Variants in WDR11 observed in about 807,000 individuals in gnomAD.
WDR11 encodes WD repeat domain 11, also known as WD repeat-containing protein 11.
Under a neutral mutation model 151.2 loss-of-function variants are expected in WDR11, and 83 were observed. That is an observed-to-expected ratio of 0.55 (90% CI 0.46 to 0.66). WDR11 has a LOEUF of 0.66. WDR11 is among the 30% of genes least tolerant of loss of function. WDR11 has a pLI of 0.00. For missense variants in WDR11, 1,301 were observed against 1,480.9 expected (o/e 0.88, Z 1.99); for synonymous variants, 484 against 533.1 (o/e 0.91, Z 1.27).
chr10:120,890,607 A>C, intron 18 of WDR11, 109 bp from the exon 19 acceptor site: 1 of 1,342,776 alleles, frequency 7.4e-7, no homozygotes, highest in African/African-American at 1.4e-5. Flanking sequence ...GTTCAGTTCT[A>C]AACTTGAACT....
intron 25 of WDR11, among the ~76,000 whole-genome samples, 161 bp downstream of exon 25, chr10:120,904,972 C>A (rs903085200): frequency 1.3e-5 from 2 of 152,090 alleles, no homozygotes; most frequent in Non-Finnish European, 2.9e-5. Flanking sequence ...ATTGTCTAAA[C>A]CAGAATTAAT....
At chr10:120,905,493 C>G (rs1003974406) in intron 26 of WDR11, 77 bp downstream of exon 26, 2 of 1,503,772 alleles carry the variant, frequency 1.3e-6, no homozygotes, top group Middle Eastern at 3.4e-4. Flanking sequence ...GGACTTATGA[C>G]TTAGAAACAT....
rs545178026 is a variant in WDR11, at chr10:120,906,633, T to C, written c.3438-143T>C. On this transcript the variant is annotated intron_variant, in intron 27 of 28. Transcript: ENST00000263461. The stretch of plus-strand genomic sequence containing the variant: ...TTCTTCCCTCCTTTTTTCAACAAAC[T>C]AGGGCTTAGAAAAGTGCTTGTATCT... The C allele has an allele frequency of 1.3e-4, 202 of 1,538,540 alleles. 5 individuals carry two copies. In the South Asian group the frequency reaches 2.1e-3, roughly 16 times the overall value.
At chr10:120,884,787 CA>C (rs1446074326) in intron 14 of WDR11, among the ~76,000 whole-genome samples, 2 of 152,026 alleles carry the variant, frequency 1.3e-5, no homozygotes, top group Non-Finnish European at 2.9e-5. Flanking sequence ...AGAAAATGAA[CA>C]AAGTCTGTGA....
Position 120,883,031 on chromosome 10 carries a change from T to C in WDR11, c.1740-749T>C, listed in dbSNP as rs1469933752. Among the ~76,000 whole-genome samples the C allele has an allele frequency of 9.2e-5, 14 of 152,144 alleles. 1 individual carries two copies. Among genetic ancestry groups the C allele is most frequent in the Admixed American group, 9.2e-4 (14 of 15,274 alleles). On this transcript the variant is annotated intron_variant, in intron 13 of 28. Coordinates refer to ENST00000263461, the MANE Select transcript of WDR11 (RefSeq NM_018117.12). ...GTTTTCATTTTAATTCACATTATAA[T>C]CTTTAAAAATTTCCATGGGGTGTTA...
At chr10:120,851,926 A>T (rs1465374613) in intron 1 of WDR11, 1 of 273,038 alleles carries the variant, frequency 3.7e-6, no homozygotes, top group Non-Finnish European at 7.1e-6. Context: ...ACCCTGTGCT[A>T]GGCGCCTGTT....
chr10:120,882,538 A>AGTTTT (rs138558341), intron 13 of WDR11, among the ~76,000 whole-genome samples: 7,244 of 119,818 alleles, frequency 0.06, 606 homozygotes, highest in African/African-American at 0.2. Flanking sequence ...ATACAAATTC[A>AGTTTT]GTTTTGTTTT....
rs1196138089 is a variant in WDR11 at position 120,880,859 on chromosome 10, A to G, written c.1697A>G (p.Asn566Ser). ...ATTGCTTTTCGTGGTGAAAGAGGCA[A>G]TGATGAATCTGCCATCGAAATGATT... ...RSIAFRGERG[N>S]DESAIEMIKV... The change falls in exon 13 of 29, where the codon AAT (asparagine) becomes AGT (serine). Residue 566 changes from asparagine (N) to serine (S), a missense_variant. This residue lies in a region of WDR11 where 692 missense variants were observed against 762.5 expected (regional missense o/e 0.91). Transcript: ENST00000263461. The G allele has an allele frequency of 1.0e-5, 16 of 1,605,672 alleles. No individual in the cohort carries two copies. The highest frequency in any genetic ancestry group is 2.2e-5 in the East Asian group (1 of 44,774).
intron 19 of WDR11, among the ~76,000 whole-genome samples, chr10:120,897,897 AAAG>A (rs1847673327): frequency 1.3e-5 from 2 of 152,224 alleles, no homozygotes. Flanking sequence ...GTGTAAAAAA[AAAG>A]TATTATTAAA....
At chr10:120,859,580 T>C (rs1846067102) in intron 3 of WDR11, among the ~76,000 whole-genome samples, 1 of 152,160 alleles carries the variant, frequency 6.6e-6, no homozygotes, top group South Asian at 2.1e-4. Flanking sequence ...TACAGTATTC[T>C]TTAGACTTAA....
chr10:120,896,169 A>G (rs1847607751), intron 19 of WDR11, among the ~76,000 whole-genome samples: 1 of 152,214 alleles, frequency 6.6e-6, no homozygotes, highest in Admixed American at 6.6e-5. Context: ...GATATCCAGG[A>G]TATGTGTAAG....
At chr10:120,879,945 A>C (rs1846939949) in intron 12 of WDR11, 2 of 152,158 alleles carry the variant, frequency 1.3e-5, no homozygotes, top group South Asian at 4.1e-4. Context: ...TTTGCGGGTA[A>C]CTCATTCTTT....
rs1247871474 is a variant in WDR11 at position 120,903,121 on chromosome 10, C to A, written c.2820C>A (p.Ser940=). The change falls in exon 23 of 29, where the codon TCC becomes TCA. Residue 940 remains serine (S), a synonymous_variant. Coordinates refer to ENST00000263461, the MANE Select transcript of WDR11 (RefSeq NM_018117.12). ...TVAAHYLHSL[S]QEKSASTTAP... is the part of the protein sequence containing the mutation. ...CTGCCCACTACCTGCACAGCTTATC[C>A]CAGGAAAAGTCAGCCAGCACAACAG... is the stretch of plus-strand genomic sequence containing the variant. The A allele has an allele frequency of 6.2e-7, 1 of 1,614,156 alleles. No homozygotes were observed. Among genetic ancestry groups the A allele is most frequent in the African/African-American group, 1.3e-5 (1 of 75,028 alleles).
intron 11 of WDR11, among the ~76,000 whole-genome samples, chr10:120,874,190 T>G (rs2801881): frequency 0.11 from 12,016 of 105,076 alleles, 759 homozygotes; most frequent in East Asian, 0.15. Flanking sequence ...TTTTTTTTTT[T>G]TTGTTGTTGT....
rs1198770611 is a variant in WDR11, at chr10:120,872,424, A to AT, written c.1471+1082dup. Among the ~76,000 whole-genome samples, 3 of 152,126 alleles carry AT rather than the reference A, an allele frequency of 2.0e-5. No individual in the cohort carries two copies. In the East Asian group the frequency reaches 5.8e-4, roughly 29 times the overall value. ...CAGTGTTCCTGATTTGTCAGTTAGG[A>AT]TTTTGTCAATTTCTTGGGGAAAACT... On this transcript the variant is annotated intron_variant, in intron 10 of 28. Coordinates refer to ENST00000263461, the MANE Select transcript of WDR11 (RefSeq NM_018117.12).
rs538328462 is a variant in WDR11 at position 120,877,480 on chromosome 10, G to A, written c.1557-873G>A. On this transcript the variant is annotated intron_variant, in intron 11 of 28. Transcript: ENST00000263461. ...ACAGAAATACAAAAATTAGCTGGGC[G>A]TGGTAGCATACACCTGTAGGCTCAG... Among the ~76,000 whole-genome samples the A allele has an allele frequency of 9.9e-5, 15 of 152,222 alleles. No homozygotes were observed. In the East Asian group the frequency reaches 1.5e-3, roughly 16 times the overall value.
chr10:120,908,526 T>G, intron 28 of WDR11, 30 bp from the exon 29 acceptor site: 1 of 1,613,412 alleles, frequency 6.2e-7, no homozygotes, highest in Non-Finnish European at 8.5e-7. Flanking sequence ...ACAGCCCTTT[T>G]TACTCTTCTT....
At chr10:120,904,213 C>G (rs1286118127) in intron 24 of WDR11, 71 bp downstream of exon 24, 2 of 1,144,948 alleles carry the variant, frequency 1.7e-6, no homozygotes, top group Non-Finnish European at 2.6e-6. Context: ...AGCAATATAT[C>G]TGTATGTATA....
At position 120,889,903 on chromosome 10, in the gene WDR11, C is replaced by G; in HGVS notation, c.2237C>G (p.Pro746Arg). 6.2e-7 allele frequency: 1 copy of G among 1,612,496 alleles called. No individual in the cohort carries two copies. Among genetic ancestry groups the G allele is most frequent in the Non-Finnish European group, 8.5e-7 (1 of 1,178,642 alleles). ...TGTTTCTTTGTCTTCAGAGGAATACCCACACACCGAAGTTGGGTGAGGAAG... is the reference window on the plus strand; with the variant it reads ...TGTTTCTTTGTCTTCAGAGGAATACGCACACACCGAAGTTGGGTGAGGAAG... Reference protein sequence around the residue: ...DLKGRVSRGIPTHRSWVRKIR... With the variant: ...DLKGRVSRGIRTHRSWVRKIR... Residue 746 changes from proline to arginine, a missense_variant, in exon 18 of 29, where the codon CCC (proline) becomes CGC (arginine). Pro to Arg is a moderately radical substitution (Grantham distance 103). Around this residue, in one of 3 missense-constraint regions of WDR11, gnomAD observed 589 missense variants for 670.6 expected, o/e 0.88. Coordinates refer to ENST00000263461, the MANE Select transcript of WDR11 (RefSeq NM_018117.12).
Sources: allele counts gnomAD v4.1 joint callset (sites outside exome capture counted in the v4.1 genomes callset), GRCh38; gene constraint gnomAD v4.1.1; regional missense constraint gnomAD v4.1.1; transcripts MANE v1.5; gene names NCBI Gene and HGNC (gene_info 2026-07-23, HGNC 2026-07-21).